SPTLC1: variants seen among roughly 807,000 people sequenced by gnomAD.
The protein encoded by SPTLC1 is serine palmitoyltransferase 1.
In SPTLC1, 55 loss-of-function variants were observed where a neutral mutation model predicts 68.9. The ratio of observed to expected loss-of-function variants is 0.80; its 90% CI spans 0.64 to 1.00. The LOEUF (loss-of-function observed/expected upper bound fraction) is 1.00, where lower values mean the gene tolerates loss of function less well. Ranked by LOEUF, SPTLC1 falls within the 50% of genes least tolerant of loss-of-function variation. The probability of loss-of-function intolerance (pLI) is 0.00; values close to 1 mark genes in which losing one functional copy is unlikely to be tolerated. For synonymous variants in SPTLC1, 197 were observed against 201.6 expected, an observed-to-expected ratio of 0.98 and a Z score of 0.19; for missense variants, 449 against 573.1, an observed-to-expected ratio of 0.78 and a Z score of 2.21.
intron 14 of SPTLC1, 39 bp downstream of exon 14, chr9:92,034,771 A>T: frequency 1.3e-6 from 2 of 1,547,892 alleles, no homozygotes; most frequent in Non-Finnish European, 1.8e-6. Flanking sequence ...AGCTCAGAGT[A>T]GGGGAAAAAA....
Position 92,086,649 on chromosome 9 carries a change from A to G in SPTLC1, c.261-5686T>C, listed in dbSNP as rs1041847683. Among the ~76,000 whole-genome samples the G allele has an allele frequency of 1.9e-3, 295 of 152,166 alleles. 3 individuals carry two copies. Among genetic ancestry groups the G allele is most frequent in the Non-Finnish European group, 1.6e-3 (110 of 67,992 alleles). On this transcript the variant is annotated intron_variant, in intron 3 of 14. Transcript: ENST00000262554. Reference sequence around the variant, plus strand: ...ATGGGCTTCCCTTTGTGGGTAACCCAACCTTTCTCTCTGGCTGCCCTTAAC... The same window carrying G: ...ATGGGCTTCCCTTTGTGGGTAACCCGACCTTTCTCTCTGGCTGCCCTTAAC...
Position 92,055,041 on chromosome 9 carries a change from G to A in SPTLC1, c.780+364C>T, listed in dbSNP as rs1184251351. Among the ~76,000 whole-genome samples, 6 of 152,154 alleles carry A rather than the reference G, an allele frequency of 3.9e-5. No individual in the cohort carries two copies. The East Asian group carries it at 7.7e-4, about 20-fold the overall frequency. ...AGAGTTTGAGAACAGCCTGGGTAAC[G>A]CAGTGAGACCCCTACTCCACAAAAA... On this transcript the variant is annotated intron_variant, in intron 8 of 14. Coordinates refer to ENST00000262554, the MANE Select transcript of SPTLC1 (RefSeq NM_006415.4).
chr9:92,051,274 C>T (rs1170845690), intron 8 of SPTLC1: 2 of 984,532 alleles, frequency 2.0e-6, no homozygotes, highest in African/African-American at 1.7e-5. Context: ...TAATAGACTC[C>T]TAGATTAAAA....
In SPTLC1 at chr9:92,058,235, T is replaced by G. The variant is rs2118527237; in HGVS notation, c.690+944A>C. Among the ~76,000 whole-genome samples, 3 of 151,606 alleles carry G rather than the reference T, an allele frequency of 2.0e-5. 1 individual carries two copies. Among genetic ancestry groups the G allele is most frequent in the Middle Eastern group, 6.8e-3 (2 of 294 alleles). On this transcript the variant is annotated intron_variant, in intron 7 of 14. Transcript: ENST00000262554. ...TTCATCATGAGAATGTGTATATTCA[T>G]GAAGTGATGCACTTAGGCTGACACC... is the stretch of plus-strand genomic sequence containing the variant.
chr9:92,040,479 C>G (rs138663102), intron 12 of SPTLC1, among the ~76,000 whole-genome samples: 2 of 152,214 alleles, frequency 1.3e-5, no homozygotes, highest in East Asian at 3.9e-4. Context: ...TCAAGAAATA[C>G]AAGGCGCGAT....
intron 3 of SPTLC1, among the ~76,000 whole-genome samples, chr9:92,095,330 T>C (rs1248379876): frequency 6.6e-6 from 1 of 152,152 alleles, no homozygotes; most frequent in Non-Finnish European, 1.5e-5. Context: ...ACAGGAAAAT[T>C]AGGCAGGCAT....
rs578258946 is a variant in SPTLC1 at position 92,041,094 on chromosome 9, C to T, written c.1137-2729G>A. On this transcript the variant is annotated intron_variant, in intron 12 of 14. Coordinates refer to ENST00000262554, the MANE Select transcript of SPTLC1 (RefSeq NM_006415.4). ...GCAATCACCAAGGTAGCCACGGTCT[C>T]CACTGTGTGCTTACAGTCTATAGGG... Among the ~76,000 whole-genome samples, 13 of 152,290 alleles carry T rather than the reference C, an allele frequency of 8.5e-5. No homozygotes were observed. In the South Asian group the frequency reaches 2.5e-3, roughly 29 times the overall value.
rs2118439339 is a variant in SPTLC1, at chr9:92,046,039, A to G, written c.1096T>C (p.Leu366=). The change falls in exon 12 of 15, where the codon TTG becomes CTG. Residue 366 remains leucine, a synonymous_variant. Coordinates refer to ENST00000262554, the MANE Select transcript of SPTLC1 (RefSeq NM_006415.4). ...MEENPGIFAV[L]KEKCGQIHKA... ...TGAATTTGTCCGCACTTTTCCTTCAACACTGCAAAAATACCTAGATGAAAA... is the reference window on the plus strand; with the variant it reads ...TGAATTTGTCCGCACTTTTCCTTCAGCACTGCAAAAATACCTAGATGAAAA... 6 of 1,613,418 alleles carry G rather than the reference A, an allele frequency of 3.7e-6. No individual in the cohort carries two copies. The highest frequency in any genetic ancestry group is 5.1e-6 in the Non-Finnish European group (6 of 1,179,682).
chr9:92,069,018 G>A (rs1335703288), intron 5 of SPTLC1, among the ~76,000 whole-genome samples: 1 of 152,190 alleles, frequency 6.6e-6, no homozygotes, highest in Non-Finnish European at 1.5e-5. Flanking sequence ...GCCCTGTGTG[G>A]AGAGCGCTCG....
At chr9:92,036,264 G>A (rs187707405) in intron 13 of SPTLC1, among the ~76,000 whole-genome samples, 2 of 152,310 alleles carry the variant, frequency 1.3e-5, no homozygotes, top group Admixed American at 1.3e-4. Context: ...CCCACAGACA[G>A]GAGTTTGGGA....
intron 5 of SPTLC1, 105 bp from the exon 6 acceptor site, chr9:92,068,203 C>G: frequency 9.4e-7 from 1 of 1,068,540 alleles, no homozygotes; most frequent in East Asian, 2.6e-5. Flanking sequence ...AATACTTTCA[C>G]CTTATGGCCA....
chr9:92,079,490 T>C (rs1171605449), intron 5 of SPTLC1: 2 of 1,612,382 alleles, frequency 1.2e-6, no homozygotes, highest in East Asian at 2.2e-5. Flanking sequence ...TTTGAAATCA[T>C]ACATTCATCA....
At chr9:92,077,607 T>C (rs1213266899) in intron 5 of SPTLC1, among the ~76,000 whole-genome samples, 1 of 152,088 alleles carries the variant, frequency 6.6e-6, no homozygotes, top group East Asian at 1.9e-4. Context: ...TAACCCTGTA[T>C]ACCTTTTATT....
At chr9:92,099,032 A>G (rs1403714803) in intron 3 of SPTLC1, among the ~76,000 whole-genome samples, 1 of 152,246 alleles carries the variant, frequency 6.6e-6, no homozygotes. Flanking sequence ...TGGGGAAAAC[A>G]AAAGTATCCA....
intron 1 of SPTLC1, among the ~76,000 whole-genome samples, chr9:92,114,270 A>AAAAAT (rs374852562): frequency 4.6e-5 from 7 of 152,292 alleles, no homozygotes; most frequent in Admixed American, 2.6e-4. Flanking sequence ...CCTGTCTTTA[A>AAAAAT]AAAATAAAAT....
chr9:92,106,901 C>T (rs1346598097), intron 3 of SPTLC1, among the ~76,000 whole-genome samples: 1 of 152,092 alleles, frequency 6.6e-6, no homozygotes, highest in Non-Finnish European at 1.5e-5. Flanking sequence ...GTGTGCATTC[C>T]TCTCCTCCTC....
chr9:92,087,053 C>T (rs1008010870), intron 3 of SPTLC1, among the ~76,000 whole-genome samples: 9 of 152,356 alleles, frequency 5.9e-5, no homozygotes, highest in Admixed American at 5.9e-4. Flanking sequence ...GAGGCTTCTG[C>T]ATTCTTCACA....
Position 92,032,685 on chromosome 9 carries a change from G to A in SPTLC1, c.1329-127C>T, listed in dbSNP as rs901292139. The A allele has an allele frequency of 1.1e-5, 14 of 1,252,056 alleles. No homozygotes were observed. The South Asian group carries it at 1.5e-4, about 13-fold the overall frequency. 77.6% of individuals were successfully genotyped at this position (1,252,056 alleles called of 1,614,324 possible). A position where few individuals can be genotyped will look rare whatever the true frequency, so the allele number is the denominator to read the frequency against. ...AGGTCAGGAGATCGAGACCATCCTG[G>A]CTAACACAGTGAAACCCCATCTCTG... is the stretch of plus-strand genomic sequence containing the variant. On this transcript the variant is annotated intron_variant, in intron 14 of 14. Coordinates refer to ENST00000262554, the MANE Select transcript of SPTLC1 (RefSeq NM_006415.4).
At position 92,085,157 on chromosome 9, in the gene SPTLC1, G is replaced by C. The variant is rs1467744169; in HGVS notation, c.261-4194C>G. ...TTTTTTCTTTATTAGTCTTGCTAGC[G>C]GTCTATCAATTTTGTTGATCCTTTC... is the stretch of plus-strand genomic sequence containing the variant. On this transcript the variant is annotated intron_variant, in intron 3 of 14. Transcript: ENST00000262554. 5.3e-5 allele frequency among the ~76,000 whole-genome samples: 8 copies of C among 150,470 alleles called. No homozygotes were observed. The South Asian group carries it at 1.7e-3, about 32-fold the overall frequency.
Sources: gnomAD v4.1 joint callset for allele counts (sites outside exome capture counted in the v4.1 genomes callset) on GRCh38, gnomAD v4.1.1 for gene constraint, MANE v1.5 for transcripts, NCBI Gene and HGNC (gene_info 2026-07-23, HGNC 2026-07-21) for gene names.